The following TAF1 variants were observed in gnomAD, a reference collection of about 807,000 sequenced individuals.
The protein encoded by TAF1 is transcription initiation factor TFIID subunit 1.
In TAF1, 2 loss-of-function variants were observed where a neutral mutation model predicts 138.5. The observed-to-expected ratio is 0.01, with a 90% CI of 0.01 to 0.05. TAF1 has a LOEUF of 0.05. Ranked by LOEUF, TAF1 falls within the 10% of genes least tolerant of loss-of-function variation. The pLI is 1.00. For missense variants in TAF1, 709 were observed against 1,478.0 expected (o/e 0.48, Z 8.53); for synonymous variants, 437 against 503.2 (o/e 0.87, Z 1.76).
At chrX:71,471,461 CTTTTT>C (rs1279972405) in intron 13 of TAF1, among the ~76,000 whole-genome samples, 1 of 87,332 alleles carries the variant, frequency 1.1e-5, no homozygotes, top group Admixed American at 1.3e-4. Flanking sequence ...GAAATGGTCA[CTTTTT>C]TTTTTTTTTT....
chrX:71,409,028 A>AG (rs1440617718), intron 28 of TAF1, among the ~76,000 whole-genome samples: 1 of 110,000 alleles, frequency 9.1e-6, no homozygotes, highest in Admixed American at 9.7e-5. Flanking sequence ...AAAAAAAAAA[A>AG]AGAGAGAGAG....
At chrX:71,491,231 G>A (rs759187681) in intron 13 of TAF1, 1 of 109,837 alleles carries the variant, frequency 9.1e-6, no homozygotes, top group East Asian at 2.9e-4. Context: ...GGGGAAGCGG[G>A]AGCCTCGGGA....
intron 32 of TAF1, among the ~76,000 whole-genome samples, chrX:71,433,178 C>T (rs2036974853): frequency 8.9e-6 from 1 of 112,057 alleles, no homozygotes; most frequent in African/African-American, 3.2e-5. Context: ...AGAGGTGAAG[C>T]AGTTTTCAGT....
rs905193279 is a variant in TAF1 at position 71,392,476 on chromosome X, A to G, written c.2782-93A>G. ...TTAAAAATTAGAAAAAAAGAACATG[A>G]AAATAGTTTGTAATTATTCTACTCT... On this transcript the variant is annotated intron_variant, in intron 18 of 37. Coordinates refer to ENST00000423759, the MANE Select transcript of TAF1 (RefSeq NM_004606.5). 2.9e-6 allele frequency: 3 copies of G among 1,020,741 alleles called. No individual in the cohort carries two copies. In the African/African-American group the frequency reaches 5.8e-5, roughly 20 times the overall value. The allele number at this position is 1,020,741 out of a possible 1,213,427, so 84.1% of individuals were successfully genotyped here. A position where few individuals can be genotyped will look rare whatever the true frequency, so the allele number is the denominator to read the frequency against.
In TAF1 at chrX:71,371,282, C is replaced by T. The variant is rs2033038836; in HGVS notation, c.352+3112C>T. Among the ~76,000 whole-genome samples, 3 of 111,535 alleles carry T rather than the reference C, an allele frequency of 2.7e-5. 1 individual carries two copies. In the South Asian group the frequency reaches 1.1e-3, roughly 41 times the overall value. On this transcript the variant is annotated intron_variant, in intron 3 of 37. Transcript: ENST00000423759. The stretch of plus-strand genomic sequence containing the variant: ...CACCTATACCCTTAGTTTTTTCCTT[C>T]CTTGGCATTGGCTCCTTTGCATGGC...
At chrX:71,493,381 A>C (rs939006556) in intron 13 of TAF1, among the ~76,000 whole-genome samples, 1 of 112,210 alleles carries the variant, frequency 8.9e-6, no homozygotes, top group Non-Finnish European at 1.9e-5. Flanking sequence ...CCCTTATGAA[A>C]TGTGCTCTCT....
chrX:71,366,550 A>C (rs974753900), intron 1 of TAF1, 56 bp downstream of exon 1: 2 of 1,035,562 alleles, frequency 1.9e-6, no homozygotes, highest in Non-Finnish European at 2.6e-6. Flanking sequence ...CAGAGGAAGG[A>C]GGTGCGGGGA....
chrX:71,411,456 G>A (rs1383015694), intron 28 of TAF1, among the ~76,000 whole-genome samples: 1 of 111,214 alleles, frequency 9.0e-6, no homozygotes, highest in Non-Finnish European at 1.9e-5. Flanking sequence ...TCCAGCCTGT[G>A]CGAGAGAGCG....
chrX:71,455,365 C>T (rs1044395885), intron 34 of TAF1, among the ~76,000 whole-genome samples: 2 of 111,755 alleles, frequency 1.8e-5, no homozygotes, highest in African/African-American at 6.5e-5. Context: ...CTTAAATGTT[C>T]ATGTCAAAAG....
At chrX:71,460,504 C>T (rs754089829) in intron 36 of TAF1, 122 bp from the exon 37 acceptor site, 8 of 770,077 alleles carry the variant, frequency 1.0e-5, no homozygotes, top group East Asian at 3.5e-5. Flanking sequence ...TGAGGAGAGG[C>T]GTATAGGCAA....
chrX:71,409,723 C>G (rs1236974562), intron 28 of TAF1, among the ~76,000 whole-genome samples: 16 of 111,217 alleles, frequency 1.4e-4, no homozygotes, highest in Admixed American at 9.7e-5. Flanking sequence ...CTTTCCATCT[C>G]CAATAACTGG....
intron 32 of TAF1, among the ~76,000 whole-genome samples, chrX:71,446,009 G>A (rs1405627264): frequency 1.9e-5 from 2 of 106,885 alleles, no homozygotes; most frequent in African/African-American, 3.4e-5. Context: ...CTCCCGGATT[G>A]AAGCAATTCT....
intron 32 of TAF1, among the ~76,000 whole-genome samples, chrX:71,435,965 A>G (rs1313418790): frequency 1.8e-5 from 2 of 109,604 alleles, no homozygotes; most frequent in African/African-American, 3.3e-5. Context: ...TTCTTTCCCA[A>G]ATGACTAGCC....
At chrX:71,479,829 G>A (rs960544111) in intron 13 of TAF1, among the ~76,000 whole-genome samples, 4 of 110,856 alleles carry the variant, frequency 3.6e-5, no homozygotes, top group Non-Finnish European at 7.6e-5. Context: ...TTTTTAAGCT[G>A]AAAAAAAAGT....
At chrX:71,367,018 C>A (rs1026685948) in intron 1 of TAF1, among the ~76,000 whole-genome samples, 1 of 112,095 alleles carries the variant, frequency 8.9e-6, no homozygotes, top group Non-Finnish European at 1.9e-5. Flanking sequence ...CACTGACTTT[C>A]GTGAAATAGT....
chrX:71,397,608 G>T lies in TAF1; in HGVS notation c.3620+142G>T, dbSNP rs929790021. ...AGTGATTCTCATGCCTCAACTTCCA[G>T]AGTAGCTGGGATTACAGACATGCAC... On this transcript the variant is annotated intron_variant, in intron 23 of 37. Coordinates refer to ENST00000423759, the MANE Select transcript of TAF1 (RefSeq NM_004606.5). 5 of 679,676 alleles carry T rather than the reference G, an allele frequency of 7.4e-6. No individual in the cohort carries two copies. In the African/African-American group the frequency reaches 1.1e-4, roughly 15 times the overall value. The allele number at this position is 679,676 out of a possible 1,213,427, so 56.0% of individuals were successfully genotyped here.
chrX:71,450,965 T>C (rs748647788), intron 32 of TAF1, among the ~76,000 whole-genome samples: 58 of 112,101 alleles, frequency 5.2e-4, no homozygotes, highest in African/African-American at 1.8e-3. Context: ...CCCAGCCCAT[T>C]GGTGCCTTGT....
At chrX:71,485,948 G>A (rs1292284172) in intron 13 of TAF1, among the ~76,000 whole-genome samples, 3 of 109,672 alleles carry the variant, frequency 2.7e-5, no homozygotes, top group South Asian at 3.8e-4. Flanking sequence ...TTCCCCCTAC[G>A]TTTTTTCTTT....
intron 13 of TAF1, among the ~76,000 whole-genome samples, chrX:71,482,201 C>T (rs2039083724): frequency 8.9e-6 from 1 of 112,158 alleles, no homozygotes; most frequent in African/African-American, 3.2e-5. Flanking sequence ...CACAAGCTTT[C>T]TCCCACTATC....
Sources: allele counts gnomAD v4.1 joint callset (sites outside exome capture counted in the v4.1 genomes callset), GRCh38; gene constraint gnomAD v4.1.1; transcripts MANE v1.5; gene names NCBI Gene and HGNC (gene_info 2026-07-23, HGNC 2026-07-21).